The following TNNI3 variants were observed in gnomAD, a reference collection of about 807,000 sequenced individuals.
The protein encoded by TNNI3 is troponin I3, cardiac type.
In TNNI3, 23 loss-of-function variants were observed where a neutral mutation model predicts 31.5. That is an observed-to-expected ratio of 0.73 (90% CI 0.52 to 1.03). The LOEUF (loss-of-function observed/expected upper bound fraction) is 1.03. Ranked by LOEUF, TNNI3 falls within the 50% of genes least tolerant of loss-of-function variation. The pLI, the probability that TNNI3 is intolerant of heterozygous loss-of-function variation, is 0.00. For synonymous variants in TNNI3, 120 were observed against 111.7 expected, an observed-to-expected ratio of 1.07 and a Z score of -0.47; for missense variants, 236 against 282.9, an observed-to-expected ratio of 0.83 and a Z score of 1.19.
chr19:55,157,209 G>C lies in TNNI3; in HGVS notation c.25-76C>G. The C allele has an allele frequency of 6.3e-7, 1 of 1,596,678 alleles. No individual in the cohort carries two copies. Among genetic ancestry groups the C allele is most frequent in the Non-Finnish European group, 8.5e-7 (1 of 1,172,454 alleles). ...CTTACCGTACCGCACCCTCTGCTAG[G>C]GCTGCAGCCTCCCGCCCCAGACCCC... On this transcript the variant is annotated intron_variant, in intron 2 of 7. Coordinates refer to ENST00000344887, the MANE Select transcript of TNNI3 (RefSeq NM_000363.5). This position sits in a 1 kb window ranked among gnomAD's most constrained non-coding sequence, Gnocchi z 6.3.
intron 6 of TNNI3, 31 bp downstream of exon 6, chr19:55,154,710 C>T (rs377582828): frequency 1.1e-5 from 18 of 1,605,698 alleles, no homozygotes; most frequent in East Asian, 1.1e-4. Flanking sequence ...CACCCTACCC[C>T]GAAGGTACCC....
intron 6 of TNNI3, chr19:55,154,465 C>T (rs2085714624): frequency 1.6e-6 from 1 of 621,114 alleles, no homozygotes; most frequent in Non-Finnish European, 2.9e-6. Context: ...CTGGCCAGTG[C>T]CTGAGCTAAT....
rs1481462841 is a variant in TNNI3 at position 55,151,943 on chromosome 19, T to TTAGG, written c.550-30_550-27dup. The TTAGG allele has an allele frequency of 7.5e-6, 12 of 1,608,364 alleles. No individual in the cohort carries two copies. The Admixed American group carries it at 1.2e-4, about 16-fold the overall frequency. ...CTGGAGGATGGCGATGAGTCAGAGGTTAGGGTCTCTTCTTGGTCTCCAGTC... is the reference window on the plus strand; with the variant it reads ...CTGGAGGATGGCGATGAGTCAGAGGTTAGGTAGGGTCTCTTCTTGGTCTCCAGTC... On this transcript the variant is annotated intron_variant, in intron 7 of 7. Coordinates refer to ENST00000344887, the MANE Select transcript of TNNI3 (RefSeq NM_000363.5).
rs2085702861 is a variant in TNNI3, at chr19:55,152,903, A to C, written c.550-986T>G. ...CAACCTCTGCCTCCCGGGTTCAAGCAATTCTCCTGCCTCAGCTTCACAAGT... is the reference window on the plus strand; with the variant it reads ...CAACCTCTGCCTCCCGGGTTCAAGCCATTCTCCTGCCTCAGCTTCACAAGT... On this transcript the variant is annotated intron_variant, in intron 7 of 7. Coordinates refer to ENST00000344887, the MANE Select transcript of TNNI3 (RefSeq NM_000363.5). This position sits in a 1 kb window ranked among gnomAD's most constrained non-coding sequence, Gnocchi z 4.0. Among the ~76,000 whole-genome samples the C allele has an allele frequency of 6.6e-6, 1 of 151,960 alleles. No individual in the cohort carries two copies.
At chr19:55,151,995 G>T in intron 7 of TNNI3, 78 bp from the exon 8 acceptor site, 2 of 1,312,594 alleles carry the variant, frequency 1.5e-6, no homozygotes, top group Non-Finnish European at 1.1e-6. Flanking sequence ...CTTCCCTCCA[G>T]CCTGTGGGGC....
At position 55,156,156 on chromosome 19, in the gene TNNI3, G is replaced by A. The variant is rs1308747121; in HGVS notation, c.282+45C>T. ...CAGAAGAGGGGATAGAGGCTGTACTGCTGAATTCCGGGACTAGAAACCTCG... is the reference window on the plus strand; with the variant it reads ...CAGAAGAGGGGATAGAGGCTGTACTACTGAATTCCGGGACTAGAAACCTCG... On this transcript the variant is annotated intron_variant, in intron 5 of 7. Coordinates refer to ENST00000344887, the MANE Select transcript of TNNI3 (RefSeq NM_000363.5). The surrounding 1 kb of genome is among the most constrained non-coding windows in gnomAD (Gnocchi z 4.6). 8.1e-6 allele frequency: 13 copies of A among 1,612,584 alleles called. No homozygotes were observed. The highest frequency in any genetic ancestry group is 1.0e-5 in the Non-Finnish European group (12 of 1,179,708).
Position 55,156,945 on chromosome 19 carries a change from T to A in TNNI3, c.108+105A>T. 7.6e-7 allele frequency: 1 copy of A among 1,319,736 alleles called. No individual in the cohort carries two copies. Among genetic ancestry groups the A allele is most frequent in the Non-Finnish European group, 1.1e-6 (1 of 950,144 alleles). The allele number at this position is 1,319,736 out of a possible 1,614,324, so 81.8% of individuals were successfully genotyped here. ...TGCAAAACTCCGCCCCTGAAGCCCC[T>A]CCGCGTAGTCCCCGCCCCCTTCGCA... On this transcript the variant is annotated intron_variant, in intron 3 of 7. Coordinates refer to ENST00000344887, the MANE Select transcript of TNNI3 (RefSeq NM_000363.5). The surrounding 1 kb of genome is among the most constrained non-coding windows in gnomAD (Gnocchi z 4.6).
Position 55,157,193 on chromosome 19 carries a change from C to A in TNNI3, c.25-60G>T. 6.3e-7 allele frequency: 1 copy of A among 1,591,350 alleles called. No homozygotes were observed. Among genetic ancestry groups the A allele is most frequent in the Non-Finnish European group, 8.5e-7 (1 of 1,169,610 alleles). ...AAGACCCCACCCAGCCCTTACCGTA[C>A]CGCACCCTCTGCTAGGGCTGCAGCC... On this transcript the variant is annotated intron_variant, in intron 2 of 7. Transcript: ENST00000344887. This position sits in a 1 kb window ranked among gnomAD's most constrained non-coding sequence, Gnocchi z 6.3.
Position 55,157,151 on chromosome 19 carries a change from G to A in TNNI3, c.25-18C>T, listed in dbSNP as rs765265119. 7.5e-6 allele frequency: 12 copies of A among 1,594,044 alleles called. No individual in the cohort carries two copies. In the South Asian group the frequency reaches 1.4e-4, roughly 18 times the overall value. On this transcript the variant is annotated intron_variant, in intron 2 of 7. Coordinates refer to ENST00000344887, the MANE Select transcript of TNNI3 (RefSeq NM_000363.5). The surrounding 1 kb of genome is among the most constrained non-coding windows in gnomAD (Gnocchi z 6.3). ...TCCCTAGCCTGGGTTAGGAGGAGTG[G>A]GGACCCCATCACCACCAAGACCCCA...
At chr19:55,153,971 G>C in intron 7 of TNNI3, 59 bp downstream of exon 7, 1 of 1,598,362 alleles carries the variant, frequency 6.3e-7, no homozygotes, top group African/African-American at 1.4e-5. Context: ...GCCTAGGGTT[G>C]TTGGCACCCA....
rs1310811375 is a variant in TNNI3, at chr19:55,156,711, C to T, written c.109-67G>A. 2 of 1,517,800 alleles carry T rather than the reference C, an allele frequency of 1.3e-6. No homozygotes were observed. Among genetic ancestry groups the T allele is most frequent in the Admixed American group, 2.0e-5 (1 of 50,972 alleles). The allele number at this position is 1,517,800 out of a possible 1,614,324, so 94.0% of individuals were successfully genotyped here. A position where few individuals can be genotyped will look rare whatever the true frequency, so the allele number is the denominator to read the frequency against. On this transcript the variant is annotated intron_variant, in intron 3 of 7. Coordinates refer to ENST00000344887, the MANE Select transcript of TNNI3 (RefSeq NM_000363.5). The surrounding 1 kb of genome is among the most constrained non-coding windows in gnomAD (Gnocchi z 4.6). ...ATTCGGAGACGACGGTGGAGGGGAC[C>T]TCAAGACACCCCCAGCAAACCCAGC... is the stretch of plus-strand genomic sequence containing the variant.
chr19:55,154,821 G>C lies in TNNI3; in HGVS notation c.292C>G (p.Arg98Gly), dbSNP rs730881068. 1.2e-6 allele frequency: 2 copies of C among 1,614,144 alleles called. No homozygotes were observed. Among genetic ancestry groups the C allele is most frequent in the South Asian group, 2.2e-5 (2 of 91,074 alleles). ...LGFAELQDLCRQLHARVDKVD... is the reference protein window; with the variant it reads ...LGFAELQDLCGQLHARVDKVD... ...TTGTCCACACGGGCGTGGAGCTGTC[G>C]GCACAAGTCCTGGAGGAGGAACGTG... Residue 98 changes from arginine to glycine, a missense_variant, in exon 6 of 8, where the codon CGA (arginine) becomes GGA (glycine). Arg to Gly is a moderately radical substitution (Grantham distance 125). Transcript: ENST00000344887.
rs2085732359 is a variant in TNNI3, at chr19:55,156,602, C to G, written c.150+1G>C. ...TCTTTCCCAGTCCCGCCCGTCCTCA[C>G]CTTCAGCTGCAATTTTCTCGAGGCG... On this transcript the variant is annotated splice_donor_variant, in intron 4 of 7. Coordinates refer to ENST00000344887, the MANE Select transcript of TNNI3 (RefSeq NM_000363.5). LOFTEE classifies it high-confidence loss of function. This position sits in a 1 kb window ranked among gnomAD's most constrained non-coding sequence, Gnocchi z 4.6. 6.4e-7 allele frequency: 1 copy of G among 1,563,068 alleles called. No individual in the cohort carries two copies. The highest frequency in any genetic ancestry group is 8.7e-7 in the Non-Finnish European group (1 of 1,152,134).
rs753460578 is a variant in TNNI3 at position 55,157,252 on chromosome 19, C to T, written c.24+44G>A. 6.2e-7 allele frequency: 1 copy of T among 1,609,990 alleles called. No individual in the cohort carries two copies. On this transcript the variant is annotated intron_variant, in intron 2 of 7. Coordinates refer to ENST00000344887, the MANE Select transcript of TNNI3 (RefSeq NM_000363.5). The surrounding 1 kb of genome is among the most constrained non-coding windows in gnomAD (Gnocchi z 6.3). ...CAGACCCCTCACTGCAGCGCCCACC[C>T]TGGCCCTGGGGGTCCCAGCCACGCC...
chr19:55,155,864 C>T, intron 5 of TNNI3, among the ~76,000 whole-genome samples: 1 of 115,186 alleles, frequency 8.7e-6, no homozygotes. Flanking sequence ...GGGCTGGGGC[C>T]TGGACTTCAG....
chr19:55,156,759 C>T lies in TNNI3; in HGVS notation c.109-115G>A. The T allele has an allele frequency of 8.3e-7, 1 of 1,202,766 alleles. No individual in the cohort carries two copies. Among genetic ancestry groups the T allele is most frequent in the South Asian group, 1.3e-5 (1 of 76,914 alleles). 74.5% of individuals were successfully genotyped at this position (1,202,766 alleles called of 1,614,324 possible). A position where few individuals can be genotyped will look rare whatever the true frequency, so the allele number is the denominator to read the frequency against. ...AGCCGGTCCAGATTTGGGCCCACGT[C>T]CAACTTGAGCCCTGAGTCTACGGGA... is the stretch of plus-strand genomic sequence containing the variant. On this transcript the variant is annotated intron_variant, in intron 3 of 7. Transcript: ENST00000344887. The surrounding 1 kb of genome is among the most constrained non-coding windows in gnomAD (Gnocchi z 4.6).
chr19:55,153,592 C>G (rs1254405940), intron 7 of TNNI3, among the ~76,000 whole-genome samples: 1 of 151,600 alleles, frequency 6.6e-6, no homozygotes, highest in Admixed American at 6.6e-5. Context: ...CCTGTAGTCC[C>G]AGCTACTCGG....
At position 55,152,887 on chromosome 19, in the gene TNNI3, C is replaced by T. The variant is rs1413878944; in HGVS notation, c.550-970G>A. Among the ~76,000 whole-genome samples, 1 of 150,670 alleles carries T rather than the reference C, an allele frequency of 6.6e-6. No homozygotes were observed. Among genetic ancestry groups the T allele is most frequent in the Admixed American group, 6.6e-5 (1 of 15,140 alleles). ...AGATCTCGGCTCACTGCAACCTCTG[C>T]CTCCCGGGTTCAAGCAATTCTCCTG... On this transcript the variant is annotated intron_variant, in intron 7 of 7. Transcript: ENST00000344887. The surrounding 1 kb of genome is among the most constrained non-coding windows in gnomAD (Gnocchi z 4.0).
intron 7 of TNNI3, among the ~76,000 whole-genome samples, chr19:55,153,633 G>A (rs2085706793): frequency 6.7e-6 from 1 of 149,002 alleles, no homozygotes; most frequent in Non-Finnish European, 1.5e-5. Flanking sequence ...ACTTGATCCT[G>A]GGAGGCAGAG....
Sources: gnomAD v4.1 joint callset for allele counts (sites outside exome capture counted in the v4.1 genomes callset) on GRCh38, gnomAD v4.1.1 for gene constraint, Gnocchi (gnomAD v3.1) non-coding constraint, MANE v1.5 for transcripts, NCBI Gene and HGNC (gene_info 2026-07-23, HGNC 2026-07-21) for gene names.